PSG3: variants seen among roughly 807,000 people sequenced by gnomAD.
PSG3 encodes pregnancy specific beta-1-glycoprotein 3.
PSG3 carries 61 observed loss-of-function variants against 47.5 expected under a neutral mutation model. The observed-to-expected ratio is 1.28, with a 90% CI of 1.05 to 1.59. PSG3 has a LOEUF of 1.59. Ranked by LOEUF, PSG3 falls within the 40% of genes most tolerant of loss-of-function variation. The pLI, the probability that PSG3 is intolerant of heterozygous loss-of-function variation, is 0.00. For synonymous variants in PSG3, 263 were observed against 198.4 expected (o/e 1.33, Z -2.74); for missense variants, 756 against 524.0 (o/e 1.44, Z -4.32).
intron 5 of PSG3, among the ~76,000 whole-genome samples, chr19:42,725,148 T>C (rs1389890480): frequency 6.6e-6 from 1 of 152,188 alleles, no homozygotes; most frequent in Non-Finnish European, 1.5e-5. Flanking sequence ...GCAGCTGACA[T>C]TGGTTCCACT....
At chr19:42,729,443 A>G in intron 4 of PSG3, 66 bp from the exon 5 acceptor site, 1 of 1,560,668 alleles carries the variant, frequency 6.4e-7, no homozygotes, top group South Asian at 1.2e-5. Flanking sequence ...CTGGTCTCTT[A>G]AAGGGACACA....
rs1969654725 is a variant in PSG3, at chr19:42,740,439, C to T, written c.-55G>A. 3.1e-6 allele frequency: 5 copies of T among 1,613,512 alleles called. No individual in the cohort carries two copies. In the South Asian group the frequency reaches 4.4e-5, roughly 14 times the overall value. ...TGGAGCTGAGCCTAGGATCCAGAAA[C>T]TTCCTGAGCATGGCTCTCAGCTGTG... On this transcript the variant is annotated 5_prime_UTR_variant, in exon 1 of 7. Transcript: ENST00000327495.
intron 3 of PSG3, among the ~76,000 whole-genome samples, chr19:42,730,450 G>T (rs1379386920): frequency 2.0e-5 from 3 of 152,178 alleles, no homozygotes; most frequent in Non-Finnish European, 2.9e-5. Flanking sequence ...TGCCCCCATA[G>T]ATGTGATTTC....
At chr19:42,722,769 G>A (rs1352099359) in intron 6 of PSG3, among the ~76,000 whole-genome samples, 1 of 151,922 alleles carries the variant, frequency 6.6e-6, no homozygotes, top group Non-Finnish European at 1.5e-5. Flanking sequence ...TGTTGAAAAA[G>A]GTCCTTAGGT....
At chr19:42,723,844 G>A in intron 6 of PSG3, 98 bp downstream of exon 6, 2 of 933,270 alleles carry the variant, frequency 2.1e-6, no homozygotes, top group Admixed American at 1.9e-5. Context: ...GAGGAAGGAG[G>A]AGATCCAGTC....
intron 4 of PSG3, 24 bp from the exon 5 acceptor site, chr19:42,729,401 C>G (rs765142949): frequency 1.9e-6 from 3 of 1,596,782 alleles, no homozygotes; most frequent in South Asian, 2.3e-5. Context: ...AATAAAGCCA[C>G]AGGTGATGTC....
chr19:42,738,692 C>T (rs1409609250), intron 2 of PSG3, 32 bp downstream of exon 2: 3 of 1,612,642 alleles, frequency 1.9e-6, no homozygotes, highest in Admixed American at 1.7e-5. Flanking sequence ...ACCCCATCCC[C>T]CAACACCCAG....
intron 2 of PSG3, among the ~76,000 whole-genome samples, chr19:42,735,638 G>A (rs181930661): frequency 6.1e-4 from 93 of 152,332 alleles, no homozygotes; most frequent in Non-Finnish European, 7.3e-5. Context: ...TGGGATTATA[G>A]GCATGAGCCA....
chr19:42,737,917 C>A (rs1324739650), intron 2 of PSG3, among the ~76,000 whole-genome samples: 1 of 152,224 alleles, frequency 6.6e-6, no homozygotes, highest in Admixed American at 6.5e-5. Flanking sequence ...TAATTCTTGG[C>A]ACAGTGGAGG....
In PSG3 at chr19:42,729,391, A is replaced by C; in HGVS notation, c.989-14T>G. 7 of 1,606,250 alleles carry C rather than the reference A, an allele frequency of 4.4e-6. No homozygotes were observed. Among genetic ancestry groups the C allele is most frequent in the Non-Finnish European group, 6.0e-6 (7 of 1,175,712 alleles). The stretch of plus-strand genomic sequence containing the variant: ...GGTCTGGACCATCTGGAGCAAAGAG[A>C]ATAAAGCCACAGGTGATGTCATCCG... On this transcript the variant is annotated splice_polypyrimidine_tract_variant and intron_variant, in intron 4 of 6. Coordinates refer to ENST00000327495, the MANE Select transcript of PSG3 (RefSeq NM_021016.4).
chr19:42,739,650 G>A (rs535556802), intron 1 of PSG3, among the ~76,000 whole-genome samples: 1 of 152,332 alleles, frequency 6.6e-6, no homozygotes, highest in Admixed American at 6.5e-5. Context: ...AGAGTTCTCA[G>A]GGCCCTCCAT....
rs1160062876 is a variant in PSG3 at position 42,739,251 on chromosome 19, GTGTT to G, written c.65-166_65-163del. On this transcript the variant is annotated intron_variant, in intron 1 of 6. Coordinates refer to ENST00000327495, the MANE Select transcript of PSG3 (RefSeq NM_021016.4). ...ACACACAAAAGGGGCATGTGTATAT[GTGTT>G]TGTGTCCTACTCTCCTACTAGGTGA... 8 of 1,239,436 alleles carry G rather than the reference GTGTT, an allele frequency of 6.5e-6. No individual in the cohort carries two copies. The East Asian group carries it at 1.9e-4, about 29-fold the overall frequency. 76.8% of individuals were successfully genotyped at this position (1,239,436 alleles called of 1,614,324 possible).
chr19:42,728,756 A>G (rs1969415088), intron 5 of PSG3, among the ~76,000 whole-genome samples: 1 of 152,214 alleles, frequency 6.6e-6, no homozygotes, highest in African/African-American at 2.4e-5. Flanking sequence ...TGTAGCTCAT[A>G]GAATAGGTAC....
At chr19:42,723,832 T>C (rs1373317122) in intron 6 of PSG3, 110 bp downstream of exon 6, 7 of 839,544 alleles carry the variant, frequency 8.3e-6, no homozygotes, top group Non-Finnish European at 1.4e-5. Flanking sequence ...CAGGAGTTAG[T>C]GGAGGAAGGA....
chr19:42,724,194 TCCCTCTCA>T (rs1172799823), intron 5 of PSG3, among the ~76,000 whole-genome samples, 169 bp from the exon 6 acceptor site: 1 of 152,218 alleles, frequency 6.6e-6, no homozygotes, highest in Non-Finnish European at 1.5e-5. Flanking sequence ...AGTTTTTTTT[TCCCTCTCA>T]CCCTGTTTCT....
intron 2 of PSG3, 26 bp downstream of exon 2, chr19:42,738,698 C>G (rs748271165): frequency 6.2e-7 from 1 of 1,612,768 alleles, no homozygotes; most frequent in Non-Finnish European, 8.5e-7. Flanking sequence ...TCCCCCAACA[C>G]CCAGTGATCA....
intron 5 of PSG3, among the ~76,000 whole-genome samples, chr19:42,728,557 G>T (rs1969411984): frequency 1.3e-5 from 2 of 152,180 alleles, no homozygotes; most frequent in African/African-American, 2.4e-5. Context: ...CCAAATTCAG[G>T]ACAGGCCACC....
chr19:42,731,893 T>A (rs1259677746), intron 3 of PSG3: 2 of 151,326 alleles, frequency 1.3e-5, no homozygotes, highest in African/African-American at 4.9e-5. Context: ...TAATGTGAAC[T>A]GAAATTCTTT....
chr19:42,731,432 C>G (rs1216014954), intron 3 of PSG3, among the ~76,000 whole-genome samples: 3 of 152,018 alleles, frequency 2.0e-5, no homozygotes, highest in Non-Finnish European at 2.9e-5. Flanking sequence ...TTTCTCTCAC[C>G]ACTTTTCTAG....
Sources: allele counts gnomAD v4.1 joint callset (sites outside exome capture counted in the v4.1 genomes callset), GRCh38; gene constraint gnomAD v4.1.1; transcripts MANE v1.5; gene names NCBI Gene and HGNC (gene_info 2026-07-23, HGNC 2026-07-21).